The following CDK14 variants were observed in gnomAD, a reference collection of about 807,000 sequenced individuals.
The protein encoded by CDK14 is cyclin-dependent kinase 14.
Under a neutral mutation model 60.7 loss-of-function variants are expected in CDK14, and 34 were observed. The observed-to-expected ratio is 0.56, with a 90% CI of 0.43 to 0.75. The LOEUF (loss-of-function observed/expected upper bound fraction) is 0.75. CDK14 is among the 30% of genes least tolerant of loss of function. CDK14 has a pLI of 0.00. For missense variants in CDK14, 482 were observed against 564.1 expected, an observed-to-expected ratio of 0.85 and a Z score of 1.47; for synonymous variants, 197 against 203.7, an observed-to-expected ratio of 0.97 and a Z score of 0.28.
At chr7:90,668,645 T>G (rs1563037838) in intron 2 of CDK14, among the ~76,000 whole-genome samples, 1 of 151,706 alleles carries the variant, frequency 6.6e-6, no homozygotes, top group Non-Finnish European at 1.5e-5. Flanking sequence ...GGTCTTACAT[T>G]TAGGTCTTTA....
At chr7:90,847,705 C>A (rs1338164718) in intron 5 of CDK14, among the ~76,000 whole-genome samples, 1 of 151,996 alleles carries the variant, frequency 6.6e-6, no homozygotes, top group Non-Finnish European at 1.5e-5. Context: ...TTTTATTTAA[C>A]CAGAGTAAAT....
intron 6 of CDK14, among the ~76,000 whole-genome samples, chr7:90,863,599 C>T (rs1481471126): frequency 6.6e-6 from 1 of 151,718 alleles, no homozygotes; most frequent in African/African-American, 2.4e-5. Context: ...AAAGAAAACT[C>T]ATAGGCAATA....
intron 12 of CDK14, among the ~76,000 whole-genome samples, chr7:91,092,548 G>A (rs113524484): frequency 0.011 from 1,652 of 152,284 alleles, 12 homozygotes; most frequent in Middle Eastern, 0.054. Flanking sequence ...TAGCCTTTCC[G>A]TTGATGAACA....
chr7:91,129,183 A>T (rs1410670596), intron 14 of CDK14, among the ~76,000 whole-genome samples: 1 of 152,164 alleles, frequency 6.6e-6, no homozygotes. Flanking sequence ...TAACACTAAG[A>T]TATTCTTTGC....
At chr7:90,990,438 A>T (rs2115685270) in intron 10 of CDK14, among the ~76,000 whole-genome samples, 1 of 152,334 alleles carries the variant, frequency 6.6e-6, no homozygotes, top group South Asian at 2.1e-4. Context: ...ACAATAGATT[A>T]TAATACTCTA....
At chr7:91,079,870 T>G (rs1364072069) in intron 12 of CDK14, among the ~76,000 whole-genome samples, 1 of 152,226 alleles carries the variant, frequency 6.6e-6, no homozygotes, top group East Asian at 1.9e-4. Context: ...TCTTTCAGAT[T>G]TTTTCACTTC....
At chr7:90,709,112 A>G (rs1801970276) in intron 2 of CDK14, 1 of 158,966 alleles carries the variant, frequency 6.3e-6, no homozygotes, top group Non-Finnish European at 1.3e-5. Flanking sequence ...ATAACTATGC[A>G]TTCTTTTACT....
rs978798605 is a variant in CDK14, at chr7:90,956,188, C to G, written c.947+371C>G. On this transcript the variant is annotated intron_variant, in intron 9 of 14. Transcript: ENST00000380050. Reference sequence around the variant, plus strand: ...GTATGTTTAAATTTGCAACAAAGCTCTGATGAGTGGTCTGAAAATTTTGGT... The same window carrying G: ...GTATGTTTAAATTTGCAACAAAGCTGTGATGAGTGGTCTGAAAATTTTGGT... Among the ~76,000 whole-genome samples, 9 of 152,254 alleles carry G rather than the reference C, an allele frequency of 5.9e-5. No homozygotes were observed. The South Asian group carries it at 1.9e-3, about 32-fold the overall frequency.
chr7:90,995,821 C>T (rs1045293760), intron 10 of CDK14, among the ~76,000 whole-genome samples: 14 of 152,158 alleles, frequency 9.2e-5, no homozygotes, highest in Non-Finnish European at 1.6e-4. Flanking sequence ...CATTCTTAGA[C>T]CCCACTGAGG....
chr7:91,167,203 G>T (rs970525217), intron 14 of CDK14, among the ~76,000 whole-genome samples: 5 of 152,134 alleles, frequency 3.3e-5, no homozygotes, highest in African/African-American at 1.2e-4. Context: ...AGACAAAATG[G>T]AATTCAATCT....
chr7:90,718,223 A>G (rs1802321090), intron 2 of CDK14, among the ~76,000 whole-genome samples: 1 of 152,080 alleles, frequency 6.6e-6, no homozygotes, highest in South Asian at 2.1e-4. Flanking sequence ...CCACTGAGAA[A>G]CAGTGCCAGG....
At chr7:90,971,396 G>A (rs945139476) in intron 9 of CDK14, among the ~76,000 whole-genome samples, 5 of 151,996 alleles carry the variant, frequency 3.3e-5, no homozygotes, top group Admixed American at 2.0e-4. Context: ...TTCACCCGGT[G>A]GTAATTACTC....
At chr7:90,702,922 T>G (rs1801818461) in intron 2 of CDK14, among the ~76,000 whole-genome samples, 1 of 152,094 alleles carries the variant, frequency 6.6e-6, no homozygotes, top group Non-Finnish European at 1.5e-5. Flanking sequence ...TCAAACTAAG[T>G]GAAAATTTGG....
intron 2 of CDK14, among the ~76,000 whole-genome samples, chr7:90,675,143 G>A (rs1801173588): frequency 6.6e-6 from 1 of 152,088 alleles, no homozygotes; most frequent in Non-Finnish European, 1.5e-5. Flanking sequence ...AAGAGAGCCT[G>A]GAATTTTGCC....
At chr7:90,899,027 G>C (rs1334000601) in intron 6 of CDK14, among the ~76,000 whole-genome samples, 2 of 151,796 alleles carry the variant, frequency 1.3e-5, no homozygotes, top group Admixed American at 6.6e-5. Flanking sequence ...AAGGAAATGA[G>C]ACACTTAACA....
intron 8 of CDK14, 112 bp downstream of exon 8, chr7:90,917,836 A>T: frequency 1.5e-5 from 15 of 992,248 alleles, no homozygotes; most frequent in Middle Eastern, 2.4e-4. Flanking sequence ...GATCCTGGTA[A>T]TTTTTTTTTT....
At chr7:90,613,786 C>G (rs371249512) in intron 2 of CDK14, among the ~76,000 whole-genome samples, 1 of 152,140 alleles carries the variant, frequency 6.6e-6, no homozygotes, top group South Asian at 2.1e-4. Flanking sequence ...GCAAAATGGG[C>G]TCAGCTGCAG....
chr7:90,804,562 T>G (rs1211212998), intron 5 of CDK14, among the ~76,000 whole-genome samples: 2 of 152,162 alleles, frequency 1.3e-5, no homozygotes, highest in Non-Finnish European at 2.9e-5. Context: ...TTATGTAAAT[T>G]GCCACAATTG....
chr7:90,745,377 G>A (rs1232970932), intron 3 of CDK14, among the ~76,000 whole-genome samples: 1 of 152,136 alleles, frequency 6.6e-6, no homozygotes, highest in African/African-American at 2.4e-5. Flanking sequence ...TTGCTTAACT[G>A]TCTTTTTGCA....
Sources: gnomAD v4.1 joint callset for allele counts (sites outside exome capture counted in the v4.1 genomes callset) on GRCh38, gnomAD v4.1.1 for gene constraint, MANE v1.5 for transcripts, NCBI Gene and HGNC (gene_info 2026-07-23, HGNC 2026-07-21) for gene names.